Variants in CCDC138 observed in about 807,000 individuals in gnomAD.
CCDC138 encodes coiled-coil domain-containing protein 138.
A neutral mutation model predicts 82.3 loss-of-function variants in CCDC138; 66 were observed. The observed-to-expected ratio is 0.80, with a 90% CI of 0.66 to 0.98. The LOEUF (loss-of-function observed/expected upper bound fraction) is 0.98, where lower values mean the gene tolerates loss of function less well. Ranked by LOEUF, CCDC138 falls within the 50% of genes least tolerant of loss-of-function variation. CCDC138 has a pLI of 0.00. For missense variants in CCDC138, 816 were observed against 758.9 expected (o/e 1.08, Z -0.88); for synonymous variants, 297 against 265.4 (o/e 1.12, Z -1.16).
intron 6 of CCDC138, among the ~76,000 whole-genome samples, chr2:108,799,301 A>G (rs1243883615): frequency 6.6e-6 from 1 of 152,198 alleles, no homozygotes; most frequent in Non-Finnish European, 1.5e-5. Flanking sequence ...ATTAAGATAT[A>G]TTTTACTGTA....
chr2:108,838,583 C>T (rs57043792), intron 10 of CCDC138, among the ~76,000 whole-genome samples: 2,001 of 152,134 alleles, frequency 0.013, 64 homozygotes, highest in South Asian at 0.082. Flanking sequence ...GTCCTGAAAT[C>T]ATTTAGCAAA....
intron 11 of CCDC138, among the ~76,000 whole-genome samples, chr2:108,842,172 C>T (rs1203061236): frequency 2.0e-5 from 3 of 151,218 alleles, no homozygotes; most frequent in South Asian, 2.1e-4. Flanking sequence ...GGATTACAGA[C>T]GTTCGCCACC....
intron 10 of CCDC138, among the ~76,000 whole-genome samples, chr2:108,826,046 A>G (rs1318476884): frequency 6.6e-6 from 1 of 152,098 alleles, no homozygotes; most frequent in African/African-American, 2.4e-5. Flanking sequence ...GGCCGTTTGG[A>G]TATCTTTTAT....
chr2:108,817,147 T>C (rs908525021), intron 10 of CCDC138, among the ~76,000 whole-genome samples: 3 of 152,182 alleles, frequency 2.0e-5, no homozygotes, highest in African/African-American at 7.2e-5. Context: ...ATAGGGAGGT[T>C]ATCCAGGATT....
chr2:108,831,682 A>G (rs1401059823), intron 10 of CCDC138, among the ~76,000 whole-genome samples: 1 of 140,466 alleles, frequency 7.1e-6, no homozygotes, highest in Non-Finnish European at 1.5e-5. Context: ...GATTTAGTAG[A>G]TCTGATGTGG....
rs5833306 is a variant in CCDC138 at position 108,805,569 on chromosome 2, C to CAA, written c.855+569_855+570dup. Among the ~76,000 whole-genome samples the CAA allele has an allele frequency of 6.0e-3, 907 of 149,986 alleles. 15 individuals are homozygous for CAA. Among genetic ancestry groups the CAA allele is most frequent in the African/African-American group, 0.021 (849 of 40,852 alleles). On this transcript the variant is annotated intron_variant, in intron 7 of 14. Coordinates refer to ENST00000295124, the MANE Select transcript of CCDC138 (RefSeq NM_144978.3). ...TGAAACCCCGTCTCTACCAAAAATA[C>CAA]AAAAAAAAATAGCTGGGCGTGATGG... is the stretch of plus-strand genomic sequence containing the variant.
chr2:108,787,683 G>A (rs2149362409), intron 1 of CCDC138, among the ~76,000 whole-genome samples: 2 of 152,046 alleles, frequency 1.3e-5, no homozygotes, highest in Middle Eastern at 3.4e-3. Flanking sequence ...TCTGGAACAG[G>A]TTCACAGCCT....
At chr2:108,827,693 G>C (rs756237871) in intron 10 of CCDC138, among the ~76,000 whole-genome samples, 5 of 151,916 alleles carry the variant, frequency 3.3e-5, no homozygotes, top group Admixed American at 6.6e-5. Context: ...GCAGGAGCTT[G>C]TAGTCCCAGC....
chr2:108,862,438 G>T (rs1693784730), intron 13 of CCDC138, among the ~76,000 whole-genome samples: 1 of 152,148 alleles, frequency 6.6e-6, no homozygotes. Context: ...CATTGCATAT[G>T]ATGGAGGATT....
At chr2:108,796,406 A>G (rs913114795) in intron 5 of CCDC138, among the ~76,000 whole-genome samples, 10 of 152,214 alleles carry the variant, frequency 6.6e-5, no homozygotes, top group African/African-American at 2.4e-4. Context: ...AAGTACAGCC[A>G]CTGTGGAAAA....
intron 12 of CCDC138, among the ~76,000 whole-genome samples, chr2:108,847,899 T>C (rs763544822): frequency 6.6e-6 from 1 of 152,146 alleles, no homozygotes; most frequent in Non-Finnish European, 1.5e-5. Context: ...AAGATTACAA[T>C]AGACTAGGTG....
At chr2:108,789,658 A>G (rs991386342) in intron 3 of CCDC138, among the ~76,000 whole-genome samples, 1 of 152,184 alleles carries the variant, frequency 6.6e-6, no homozygotes, top group Admixed American at 6.5e-5. Context: ...GCATTTTACT[A>G]TCTCTGGTGT....
At chr2:108,837,084 G>C (rs79824507) in intron 10 of CCDC138, among the ~76,000 whole-genome samples, 1 of 152,090 alleles carries the variant, frequency 6.6e-6, no homozygotes, top group African/African-American at 2.4e-5. Flanking sequence ...GTACTATAGT[G>C]AACAGAAGTG....
At chr2:108,863,508 G>A (rs1368247740) in intron 13 of CCDC138, among the ~76,000 whole-genome samples, 1 of 152,190 alleles carries the variant, frequency 6.6e-6, no homozygotes, top group South Asian at 2.1e-4. Context: ...GAAACAAGCT[G>A]GGGTGCTCAT....
intron 10 of CCDC138, among the ~76,000 whole-genome samples, chr2:108,824,280 CAT>C: frequency 1.3e-5 from 2 of 152,204 alleles, no homozygotes; most frequent in East Asian, 1.9e-4. Context: ...TCATTTAAAA[CAT>C]AAATACATTG....
chr2:108,851,177 G>T (rs924046018), intron 12 of CCDC138, among the ~76,000 whole-genome samples: 1 of 152,202 alleles, frequency 6.6e-6, no homozygotes, highest in African/African-American at 2.4e-5. Flanking sequence ...ACAGAGCAAG[G>T]TATAGGGGAA....
At chr2:108,877,852 T>A (rs1398186020), downstream of CCDC138, among the ~76,000 whole-genome samples, 4 of 152,280 alleles carry the variant, frequency 2.6e-5, no homozygotes, top group Admixed American at 6.5e-5. Flanking sequence ...AATGGTAAGT[T>A]ACAAGGATAA....
intron 10 of CCDC138, among the ~76,000 whole-genome samples, chr2:108,822,340 A>G (rs1040199183): frequency 2.6e-5 from 4 of 152,226 alleles, no homozygotes; most frequent in South Asian, 2.1e-4. Flanking sequence ...AGAAATAGTA[A>G]CATAATACTA....
intron 12 of CCDC138, among the ~76,000 whole-genome samples, chr2:108,853,601 AC>A (rs1691906273): frequency 6.7e-6 from 1 of 149,964 alleles, no homozygotes; most frequent in African/African-American, 2.5e-5. Context: ...AGCATAACTT[AC>A]CACAACCTTG....
Sources: allele counts gnomAD v4.1 joint callset (sites outside exome capture counted in the v4.1 genomes callset), GRCh38; gene constraint gnomAD v4.1.1; transcripts MANE v1.5; gene names NCBI Gene and HGNC (gene_info 2026-07-23, HGNC 2026-07-21).